DCX: variants seen among roughly 807,000 people sequenced by gnomAD.
DCX encodes the protein doublecortin.
In DCX, 4 loss-of-function variants were observed where a neutral mutation model predicts 20.9. The ratio of observed to expected loss-of-function variants is 0.19; its 90% CI spans 0.09 to 0.44. DCX has a LOEUF of 0.44. DCX is among the 20% of genes least tolerant of loss of function. The pLI, the probability that DCX is intolerant of heterozygous loss-of-function variation, is 0.99. For missense variants in DCX, 133 were observed against 296.9 expected (o/e 0.45, Z 4.06); for synonymous variants, 103 against 111.4 (o/e 0.92, Z 0.47).
chrX:111,383,849 C>A (rs1244282237), intron 3 of DCX, among the ~76,000 whole-genome samples: 1 of 111,037 alleles, frequency 9.0e-6, no homozygotes, highest in Non-Finnish European at 1.9e-5. Flanking sequence ...AGGCATTGAA[C>A]CTTCTAAAAG....
chrX:111,356,477 G>C (rs1923742872), intron 3 of DCX, among the ~76,000 whole-genome samples: 1 of 112,756 alleles, frequency 8.9e-6, no homozygotes. Flanking sequence ...AGTAGAGAAA[G>C]TATGTAGGTA....
intron 3 of DCX, among the ~76,000 whole-genome samples, chrX:111,360,232 G>T (rs946018273): frequency 1.8e-5 from 2 of 111,491 alleles, no homozygotes; most frequent in African/African-American, 6.5e-5. Flanking sequence ...AAGAAAATGT[G>T]GTACTTTACA....
At chrX:111,325,064 G>T (rs1207303370) in intron 5 of DCX, among the ~76,000 whole-genome samples, 3 of 111,644 alleles carry the variant, frequency 2.7e-5, no homozygotes, top group Admixed American at 9.5e-5. Flanking sequence ...CTTCCCTTTG[G>T]AGTTGCTGGT....
chrX:111,385,301 G>A (rs956068253), intron 3 of DCX, among the ~76,000 whole-genome samples: 1 of 111,864 alleles, frequency 8.9e-6, no homozygotes, highest in African/African-American at 3.3e-5. Flanking sequence ...TATATTTTTT[G>A]TCCTGTTTAA....
intron 3 of DCX, among the ~76,000 whole-genome samples, chrX:111,334,586 G>A (rs775495399): frequency 1.1e-4 from 12 of 112,210 alleles, no homozygotes; most frequent in African/African-American, 3.9e-4. Context: ...ACTATTTTAG[G>A]CTTGAGAAAA....
chrX:111,343,137 GTTT>G, intron 3 of DCX, among the ~76,000 whole-genome samples: 1 of 94,922 alleles, frequency 1.1e-5, no homozygotes, highest in African/African-American at 3.9e-5. Context: ...CAACAGCTGG[GTTT>G]TTTTTTTTTT....
intron 5 of DCX, among the ~76,000 whole-genome samples, chrX:111,327,726 G>C (rs1023395194): frequency 8.9e-6 from 1 of 112,004 alleles, no homozygotes; most frequent in Admixed American, 9.5e-5. Context: ...CAATCTCCTC[G>C]TCCCAGCTTG....
intron 3 of DCX, among the ~76,000 whole-genome samples, chrX:111,397,624 T>C (rs1170144380): frequency 8.9e-6 from 1 of 111,917 alleles, no homozygotes; most frequent in Non-Finnish European, 1.9e-5. Flanking sequence ...TTTTATTTAA[T>C]GTCTTTGCTG....
At chrX:111,373,051 C>CAATGAAATGAAATGA (rs200014473) in intron 3 of DCX, among the ~76,000 whole-genome samples, 198 of 107,786 alleles carry the variant, frequency 1.8e-3, no homozygotes, top group African/African-American at 6.6e-3. Context: ...GCTGATAACA[C>CAATGAAATGAAATGA]AATGAAATGA....
intron 6 of DCX, among the ~76,000 whole-genome samples, chrX:111,307,779 T>C (rs1358731435): frequency 8.9e-6 from 1 of 112,171 alleles, no homozygotes; most frequent in Non-Finnish European, 1.9e-5. Context: ...CCCAGCACAC[T>C]GAACCACTGG....
chrX:111,366,988 A>G (rs936492707), intron 3 of DCX, among the ~76,000 whole-genome samples: 2 of 111,769 alleles, frequency 1.8e-5, no homozygotes, highest in African/African-American at 6.5e-5. Flanking sequence ...CAAGACCCCA[A>G]TTCAAAGAGA....
At chrX:111,337,187 C>A (rs1921812162) in intron 3 of DCX, among the ~76,000 whole-genome samples, 1 of 111,609 alleles carries the variant, frequency 9.0e-6, no homozygotes, top group Non-Finnish European at 1.9e-5. Flanking sequence ...ATCATAATAT[C>A]ACTTACAGCA....
At chrX:111,389,543 C>T (rs773482366) in intron 3 of DCX, among the ~76,000 whole-genome samples, 9 of 111,444 alleles carry the variant, frequency 8.1e-5, no homozygotes, top group African/African-American at 2.9e-4. Flanking sequence ...TAGCAAAGTA[C>T]CCCAACTTCA....
intron 3 of DCX, among the ~76,000 whole-genome samples, chrX:111,343,924 G>A (rs1244939898): frequency 9.0e-6 from 1 of 111,258 alleles, no homozygotes; most frequent in Non-Finnish European, 1.9e-5. Context: ...AGAGGTTGCA[G>A]TGAGTGGAGA....
intron 3 of DCX, among the ~76,000 whole-genome samples, chrX:111,361,634 A>T (rs761566559): frequency 1.5e-4 from 17 of 112,412 alleles, no homozygotes; most frequent in Admixed American, 3.8e-4. Flanking sequence ...AATACCCAAC[A>T]AACAACGAAG....
At chrX:111,310,109 G>C (rs113989216) in intron 6 of DCX, among the ~76,000 whole-genome samples, 1,131 of 112,329 alleles carry the variant, frequency 0.01, 17 homozygotes, top group African/African-American at 0.03. Flanking sequence ...GAGGCAGGCG[G>C]ATCACGAGGT....
chrX:111,331,452 T>C (rs957425266), intron 4 of DCX, among the ~76,000 whole-genome samples: 11 of 112,138 alleles, frequency 9.8e-5, no homozygotes, highest in South Asian at 3.7e-4. Flanking sequence ...ATTGAGTAAT[T>C]TGAAGGAGAG....
chrX:111,333,972 C>T (rs184542877), intron 3 of DCX, among the ~76,000 whole-genome samples: 1 of 111,940 alleles, frequency 8.9e-6, no homozygotes, highest in African/African-American at 3.2e-5. Context: ...TAGTCCAGCA[C>T]ATCAGGGAAA....
chrX:111,404,048 TTAAAA>T (rs10688083), intron 2 of DCX, among the ~76,000 whole-genome samples: 913 of 73,481 alleles, frequency 0.012, 9 homozygotes, highest in Middle Eastern at 0.03. Flanking sequence ...AGATTCCGTC[TTAAAA>T]TAAAATAAAA....
Sources: gnomAD v4.1 joint callset for allele counts (sites outside exome capture counted in the v4.1 genomes callset) on GRCh38, gnomAD v4.1.1 for gene constraint, MANE v1.5 for transcripts, NCBI Gene and HGNC (gene_info 2026-07-23, HGNC 2026-07-21) for gene names.